Variants in SH3RF3 observed in about 807,000 individuals in gnomAD.
SH3RF3 encodes E3 ubiquitin-protein ligase SH3RF3.
A neutral mutation model predicts 66.3 loss-of-function variants in SH3RF3; 29 were observed. That is an observed-to-expected ratio of 0.44 (90% CI 0.33 to 0.60). The LOEUF is 0.60. Among genes scored for constraint, SH3RF3 ranks in the 20% least tolerant of loss-of-function variants. The pLI is 0.04. For synonymous variants in SH3RF3, 583 were observed against 532.0 expected (o/e 1.10, Z -1.32); for missense variants, 1,194 against 1,190.9 (o/e 1.00, Z -0.04).
intron 1 of SH3RF3, chr2:109,251,408 A>C: frequency 1.4e-6 from 1 of 696,260 alleles, no homozygotes; most frequent in African/African-American, 1.8e-5. Flanking sequence ...CTGTGAGTGC[A>C]TGGAGTAGAC....
At chr2:109,380,728 C>T (rs1683491997) in intron 3 of SH3RF3, among the ~76,000 whole-genome samples, 1 of 152,168 alleles carries the variant, frequency 6.6e-6, no homozygotes, top group Admixed American at 6.5e-5. Context: ...TGCCATAGTT[C>T]CTGAGGTTTG....
intron 1 of SH3RF3, among the ~76,000 whole-genome samples, chr2:109,295,863 C>G (rs925124005): frequency 2.0e-5 from 3 of 152,170 alleles, no homozygotes; most frequent in Admixed American, 1.3e-4. Flanking sequence ...AAGCTGGACT[C>G]TCTCTCAGGT....
chr2:109,146,358 A>G (rs958570382), intron 1 of SH3RF3, among the ~76,000 whole-genome samples: 2 of 152,142 alleles, frequency 1.3e-5, no homozygotes, highest in Admixed American at 1.3e-4. Context: ...GGGCCTCAAG[A>G]GCAAAAGAAT....
At chr2:109,357,624 C>T (rs140532814) in intron 2 of SH3RF3, among the ~76,000 whole-genome samples, 35 of 152,266 alleles carry the variant, frequency 2.3e-4, no homozygotes, top group African/African-American at 7.7e-4. Context: ...CAAGGAATCA[C>T]GCAGGATTTA....
In SH3RF3 at chr2:109,134,380, G is replaced by GACCAA. The variant is rs542417440; in HGVS notation, c.573+4270_573+4274dup. Among the ~76,000 whole-genome samples the GACCAA allele has an allele frequency of 4.4e-3, 672 of 152,312 alleles. 4 individuals are homozygous for GACCAA. The highest frequency in any genetic ancestry group is 0.017 in the Middle Eastern group (5 of 294). Reference sequence around the variant, plus strand: ...ACCAAAAACCAGACAGCTCACAAGAGACCAAACGAGTGGTTGATATGACAG... The same window carrying GACCAA: ...ACCAAAAACCAGACAGCTCACAAGAGACCAAACCAAACGAGTGGTTGATATGACAG... On this transcript the variant is annotated intron_variant, in intron 1 of 9. Coordinates refer to ENST00000309415, the MANE Select transcript of SH3RF3 (RefSeq NM_001099289.3).
chr2:109,131,794 T>A (rs1458095472), intron 1 of SH3RF3, among the ~76,000 whole-genome samples: 1 of 152,256 alleles, frequency 6.6e-6, no homozygotes, highest in Non-Finnish European at 1.5e-5. Flanking sequence ...TGGTTGACTT[T>A]CTTTATGGGT....
intron 8 of SH3RF3, among the ~76,000 whole-genome samples, chr2:109,459,404 C>A (rs1025861995): frequency 6.6e-6 from 1 of 152,152 alleles, no homozygotes; most frequent in African/African-American, 2.4e-5. Flanking sequence ...TGGGCATGGA[C>A]CCTTACCTGG....
chr2:109,216,998 A>G (rs1490305384), intron 1 of SH3RF3, among the ~76,000 whole-genome samples: 2 of 152,060 alleles, frequency 1.3e-5, no homozygotes, highest in Non-Finnish European at 2.9e-5. Context: ...TGTTTCTTTG[A>G]ATTTGGCTGG....
At chr2:109,260,531 T>A (rs1413174310) in intron 1 of SH3RF3, among the ~76,000 whole-genome samples, 1 of 152,168 alleles carries the variant, frequency 6.6e-6, no homozygotes, top group Non-Finnish European at 1.5e-5. Flanking sequence ...CACTTTCACT[T>A]GTAGCGTGGG....
At chr2:109,316,134 C>T (rs35944607) in intron 1 of SH3RF3, among the ~76,000 whole-genome samples, 47,435 of 152,048 alleles carry the variant, frequency 0.31, 9,174 homozygotes, top group African/African-American at 0.55. Context: ...AAAGAGAGGG[C>T]AAGGCAGGCT....
In SH3RF3 at chr2:109,269,450, C is replaced by G. The variant is rs74403238; in HGVS notation, c.574-78224C>G. ...CCTAACCCTTTAAGAATCCAGCCCC[C>G]CTTTCTTCTGACTTTAAGCACCAGG... On this transcript the variant is annotated intron_variant, in intron 1 of 9. Coordinates refer to ENST00000309415, the MANE Select transcript of SH3RF3 (RefSeq NM_001099289.3). Among the ~76,000 whole-genome samples, 1,240 of 152,298 alleles carry G rather than the reference C, an allele frequency of 8.1e-3. 12 individuals carry two copies. The highest frequency in any genetic ancestry group is 0.038 in the East Asian group (196 of 5,172).
At position 109,481,310 on chromosome 2, in the gene SH3RF3, G is replaced by A. The variant is rs183932288; in HGVS notation, c.2149-9295G>A. 6.2e-4 allele frequency among the ~76,000 whole-genome samples: 94 copies of A among 152,344 alleles called. No homozygotes were observed. In the Middle Eastern group the frequency reaches 0.01, roughly 17 times the overall value. ...TGCTGTGTCTGCTGGCAGCTGGAGG[G>A]TGCACCTGTGCCTTCCACTCAGCAA... On this transcript the variant is annotated intron_variant, in intron 8 of 9. Coordinates refer to ENST00000309415, the MANE Select transcript of SH3RF3 (RefSeq NM_001099289.3).
intron 8 of SH3RF3, among the ~76,000 whole-genome samples, chr2:109,456,886 C>T (rs1326615933): frequency 6.6e-6 from 1 of 152,230 alleles, no homozygotes; most frequent in Non-Finnish European, 1.5e-5. Context: ...GCCTAGGGCT[C>T]ATGCCGCTGA....
At position 109,323,210 on chromosome 2, in the gene SH3RF3, G is replaced by A. The variant is rs56163438; in HGVS notation, c.574-24464G>A. On this transcript the variant is annotated intron_variant, in intron 1 of 9. Coordinates refer to ENST00000309415, the MANE Select transcript of SH3RF3 (RefSeq NM_001099289.3). Reference sequence around the variant, plus strand: ...TATTTCTAGAGTGGGAAGGAGGGCCGGGGGCCATCAGGACCCTCTGGCTCA... The same window carrying A: ...TATTTCTAGAGTGGGAAGGAGGGCCAGGGGCCATCAGGACCCTCTGGCTCA... Among the ~76,000 whole-genome samples, 1,338 of 152,268 alleles carry A rather than the reference G, an allele frequency of 8.8e-3. 25 individuals are homozygous for A. Among genetic ancestry groups the A allele is most frequent in the African/African-American group, 0.03 (1,259 of 41,558 alleles).
chr2:109,295,340 A>G (rs1403569546), intron 1 of SH3RF3, among the ~76,000 whole-genome samples: 1 of 152,188 alleles, frequency 6.6e-6, no homozygotes, highest in African/African-American at 2.4e-5. Context: ...AGGTTAAACA[A>G]TTGCTCAAGT....
chr2:109,452,574 C>T (rs995132391), intron 8 of SH3RF3, among the ~76,000 whole-genome samples: 1 of 152,108 alleles, frequency 6.6e-6, no homozygotes, highest in South Asian at 2.1e-4. Context: ...TCCTGGGCGC[C>T]GTAGAGTAGG....
chr2:109,247,775 C>G (rs1679951511), intron 1 of SH3RF3, among the ~76,000 whole-genome samples: 1 of 152,138 alleles, frequency 6.6e-6, no homozygotes, highest in African/African-American at 2.4e-5. Context: ...AAAATAATAC[C>G]TTTTTATTTA....
intron 1 of SH3RF3, among the ~76,000 whole-genome samples, 190 bp from the exon 2 acceptor site, chr2:109,347,484 G>A (rs941047821): frequency 2.6e-5 from 4 of 152,156 alleles, no homozygotes; most frequent in African/African-American, 9.7e-5. Context: ...TCTTATCTCA[G>A]TGGCGCCTCA....
chr2:109,169,341 TGA>T (rs1293823030), intron 1 of SH3RF3, among the ~76,000 whole-genome samples: 1 of 50,222 alleles, frequency 2.0e-5, no homozygotes, highest in Non-Finnish European at 4.4e-5. Flanking sequence ...AATTAATTTC[TGA>T]GCCCACCAAG....
Sources: gnomAD v4.1 joint callset for allele counts (sites outside exome capture counted in the v4.1 genomes callset) on GRCh38, gnomAD v4.1.1 for gene constraint, MANE v1.5 for transcripts, NCBI Gene and HGNC (gene_info 2026-07-23, HGNC 2026-07-21) for gene names.